The following CCDC33 variants were observed in gnomAD, a reference collection of about 807,000 sequenced individuals.
CCDC33 encodes coiled-coil domain-containing protein 33.
A neutral mutation model predicts 91.9 loss-of-function variants in CCDC33; 94 were observed. That is an observed-to-expected ratio of 1.02 (90% CI 0.87 to 1.21). The LOEUF is 1.21. Ranked by LOEUF, CCDC33 falls within the 50% of genes most tolerant of loss-of-function variation. The probability of loss-of-function intolerance (pLI) is 0.00; values close to 1 mark genes in which losing one functional copy is unlikely to be tolerated. For missense variants in CCDC33, 940 were observed against 935.5 expected, an observed-to-expected ratio of 1.00 and a Z score of -0.06; for synonymous variants, 396 against 374.5, an observed-to-expected ratio of 1.06 and a Z score of -0.66.
intron 10 of CCDC33, among the ~76,000 whole-genome samples, chr15:74,282,680 C>G (rs1218577365): frequency 2.6e-5 from 4 of 152,158 alleles, no homozygotes; most frequent in African/African-American, 9.7e-5. Context: ...GGTGTAAAAT[C>G]TTGGAGGCCC....
chr15:74,304,814 A>G (rs545032630), intron 11 of CCDC33, among the ~76,000 whole-genome samples: 1 of 152,180 alleles, frequency 6.6e-6, no homozygotes, highest in African/African-American at 2.4e-5. Context: ...GGGCCCACTC[A>G]CACTCCTCCA....
Position 74,244,129 on chromosome 15 carries a change from C to A in CCDC33, c.166C>A (p.Pro56Thr), listed in dbSNP as rs1350529215. ...NLPACKDGSE[P>T]WPYVVVKSTS... ...GCCTGCCTGCAAGGATGGCTCCGAGCCGTGGCCCTATGTGGTGGTGTAAGT... is the reference window on the plus strand; with the variant it reads ...GCCTGCCTGCAAGGATGGCTCCGAGACGTGGCCCTATGTGGTGGTGTAAGT... The change falls in exon 2 of 19, where the codon CCG becomes ACG. Residue 56 changes from proline to threonine, a missense_variant. Transcript: ENST00000398814. The surrounding 1 kb of genome is among the most constrained non-coding windows in gnomAD (Gnocchi z 4.2). 6.2e-7 allele frequency: 1 copy of A among 1,612,944 alleles called. No individual in the cohort carries two copies. The highest frequency in any genetic ancestry group is 1.7e-5 in the Admixed American group (1 of 59,916).
In CCDC33 at chr15:74,280,809, C is replaced by A; in HGVS notation, c.1023+8C>A. 6.7e-7 allele frequency: 1 copy of A among 1,499,518 alleles called. No homozygotes were observed. The highest frequency in any genetic ancestry group is 8.9e-7 in the Non-Finnish European group (1 of 1,122,598). 92.9% of individuals were successfully genotyped at this position (1,499,518 alleles called of 1,614,324 possible). On this transcript the variant is annotated splice_region_variant and intron_variant, in intron 9 of 18. Transcript: ENST00000398814. ...GAGCGGCTCCCCATCATGGTGAGCCCCCTGCCCTGAACTGGGCCCCTAGCG... is the reference window on the plus strand; with the variant it reads ...GAGCGGCTCCCCATCATGGTGAGCCACCTGCCCTGAACTGGGCCCCTAGCG...
chr15:74,283,931 G>A (rs1285702691), intron 10 of CCDC33, among the ~76,000 whole-genome samples: 1 of 152,120 alleles, frequency 6.6e-6, no homozygotes, highest in African/African-American at 2.4e-5. Flanking sequence ...TAACACATAT[G>A]TACACGCTCT....
chr15:74,257,300 G>A (rs1490562072), intron 2 of CCDC33, among the ~76,000 whole-genome samples: 2 of 152,256 alleles, frequency 1.3e-5, no homozygotes, highest in Non-Finnish European at 2.9e-5. Context: ...CAGCTGCCCT[G>A]CCGTCAGCAT....
intron 2 of CCDC33, among the ~76,000 whole-genome samples, chr15:74,223,262 G>A (rs924123502): frequency 2.0e-5 from 3 of 152,116 alleles, no homozygotes; most frequent in African/African-American, 7.2e-5. Flanking sequence ...TTTCACAGGT[G>A]GGGAAAGAGA....
Position 74,272,862 on chromosome 15 carries a change from C to A in CCDC33, c.730C>A (p.Pro244Thr). ...CCCGTCCATGATGAACTTTGACGTG[C>A]CTCGCGTCAGCCAGAACGGATGCCC... is the stretch of plus-strand genomic sequence containing the variant. ...PIPSMMNFDV[P>T]RVSQNGCPQL... is the part of the protein sequence containing the mutation. Residue 244 changes from proline to threonine, a missense_variant, in exon 7 of 19, where the codon CCT (proline) becomes ACT (threonine). Pro to Thr is a conservative substitution (Grantham distance 38). Transcript: ENST00000398814. 1 of 1,614,230 alleles carries A rather than the reference C, an allele frequency of 6.2e-7. No individual in the cohort carries two copies. The highest frequency in any genetic ancestry group is 1.1e-5 in the South Asian group (1 of 91,086).
chr15:74,314,551 C>T (rs1441040747), intron 11 of CCDC33, among the ~76,000 whole-genome samples: 1 of 152,128 alleles, frequency 6.6e-6, no homozygotes, highest in African/African-American at 2.4e-5. Context: ...GAGCAGGGGG[C>T]TTTAACCAAG....
In CCDC33 at chr15:74,333,905, A is replaced by G; in HGVS notation, c.1963A>G (p.Lys655Glu). The change falls in exon 17 of 19, where the codon AAG (lysine) becomes GAG (glutamate). Residue 655 changes from lysine to glutamate, a missense_variant. By Grantham distance (56) the Lys-to-Glu change is moderately conservative. Transcript: ENST00000398814. ...LPDLLSGTSD[K>E]FNLLAKLEHA... Reference sequence around the variant, plus strand: ...GGATCTCCTCTCTGGTACTTCAGACAAGTTCAACCTCCTGGCCAAGCTGGA... The same window carrying G: ...GGATCTCCTCTCTGGTACTTCAGACGAGTTCAACCTCCTGGCCAAGCTGGA... The G allele has an allele frequency of 6.2e-7, 1 of 1,613,652 alleles. No homozygotes were observed. Among genetic ancestry groups the G allele is most frequent in the Non-Finnish European group, 8.5e-7 (1 of 1,179,672 alleles).
intron 11 of CCDC33, among the ~76,000 whole-genome samples, chr15:74,311,101 G>A (rs910057481): frequency 2.6e-5 from 4 of 151,838 alleles, no homozygotes; most frequent in Non-Finnish European, 5.9e-5. Context: ...AGGACGGGTG[G>A]TCTCACCCCA....
chr15:74,213,128 A>C (rs1345784871), upstream of CCDC33: 1 of 152,130 alleles, frequency 6.6e-6, no homozygotes, highest in Non-Finnish European at 1.5e-5. Flanking sequence ...AGGCAGGAGA[A>C]TCGCTTCAAC....
chr15:74,276,779 GCC>G (rs755077973), intron 7 of CCDC33, among the ~76,000 whole-genome samples: 1 of 152,168 alleles, frequency 6.6e-6, no homozygotes, highest in Non-Finnish European at 1.5e-5. Flanking sequence ...CCCACCTCCA[GCC>G]TCCACCTCTG....
At chr15:74,243,563 C>A (rs1021979150) in intron 1 of CCDC33, among the ~76,000 whole-genome samples, 2 of 152,134 alleles carry the variant, frequency 1.3e-5, no homozygotes, top group Non-Finnish European at 2.9e-5. Flanking sequence ...GACTGCCTTG[C>A]AGAGTGGGCG....
upstream of CCDC33, among the ~76,000 whole-genome samples, chr15:74,233,349 C>T (rs941877784): frequency 2.0e-5 from 3 of 152,252 alleles, no homozygotes; most frequent in Admixed American, 6.5e-5. Context: ...CACGCACCCT[C>T]GGCCCCAGTG....
chr15:74,318,517 C>T, intron 11 of CCDC33: 1 of 650,920 alleles, frequency 1.5e-6, no homozygotes, highest in Non-Finnish European at 2.8e-6. Flanking sequence ...TGGGCTTGGT[C>T]ACCAGGCAGG....
At chr15:74,311,060 C>CACGGGGCCTCTA (rs367588827) in intron 11 of CCDC33, among the ~76,000 whole-genome samples, 7,183 of 152,116 alleles carry the variant, frequency 0.047, 211 homozygotes, top group Middle Eastern at 0.12. Flanking sequence ...CTGGACAGGG[C>CACGGGGCCTCTA]GCACGGGGCC....
intron 10 of CCDC33, 98 bp from the exon 11 acceptor site, chr15:74,295,656 A>G (rs1419775968): frequency 9.5e-7 from 1 of 1,048,356 alleles, no homozygotes; most frequent in East Asian, 2.5e-5. Flanking sequence ...CTCCTGAGCC[A>G]TGAGGAGGAG....
chr15:74,275,950 T>G (rs1470955554), intron 7 of CCDC33, among the ~76,000 whole-genome samples: 1 of 152,210 alleles, frequency 6.6e-6, no homozygotes, highest in African/African-American at 2.4e-5. Flanking sequence ...ATTACAGGCC[T>G]GAGGCACCGC....
At chr15:74,217,661 C>CT in intron 1 of CCDC33, 1 of 1,087,140 alleles carries the variant, frequency 9.2e-7, no homozygotes, top group Non-Finnish European at 1.2e-6. Context: ...CCCCAGAGAG[C>CT]CTCAGGAGAA....
Sources: allele counts gnomAD v4.1 joint callset (sites outside exome capture counted in the v4.1 genomes callset), GRCh38; gene constraint gnomAD v4.1.1; non-coding constraint Gnocchi (gnomAD v3.1); transcripts MANE v1.5; gene names NCBI Gene and HGNC (gene_info 2026-07-23, HGNC 2026-07-21).